GPM6A: variants seen among roughly 807,000 people sequenced by gnomAD.
GPM6A encodes the protein neuronal membrane glycoprotein M6-a.
In GPM6A, 7 loss-of-function variants were observed where a neutral mutation model predicts 32.1. The observed-to-expected ratio is 0.22, with a 90% confidence interval of 0.12 to 0.41. The LOEUF (loss-of-function observed/expected upper bound fraction) is 0.41, where lower values mean the gene tolerates loss of function less well. Ranked by LOEUF, GPM6A falls within the 10% of genes least tolerant of loss-of-function variation. The pLI is 1.00. For missense variants in GPM6A, 235 were observed against 347.2 expected (o/e 0.68, Z 2.57); for synonymous variants, 130 against 123.4 (o/e 1.05, Z -0.35).
chr4:175,748,374 T>A (rs1255312770), intron 1 of GPM6A, among the ~76,000 whole-genome samples: 1 of 152,204 alleles, frequency 6.6e-6, no homozygotes, highest in Non-Finnish European at 1.5e-5. Context: ...GTTTGAAAGT[T>A]GAAATTACTC....
At chr4:175,915,738 T>C (rs1273838167) in intron 1 of GPM6A, among the ~76,000 whole-genome samples, 2 of 152,190 alleles carry the variant, frequency 1.3e-5, no homozygotes, top group Non-Finnish European at 2.9e-5. Context: ...TCACTGGCAA[T>C]ACTCAGGGTA....
chr4:175,819,187 A>G (rs1735201517), intron 1 of GPM6A, among the ~76,000 whole-genome samples: 1 of 152,158 alleles, frequency 6.6e-6, no homozygotes, highest in South Asian at 2.1e-4. Context: ...GCCTCTGTTT[A>G]CTCAAAATCC....
intron 1 of GPM6A, among the ~76,000 whole-genome samples, chr4:175,858,416 C>T (rs529075509): frequency 1.8e-4 from 27 of 151,910 alleles, no homozygotes; most frequent in African/African-American, 5.6e-4. Context: ...CCTATAATCT[C>T]AGCTACTCGG....
intron 1 of GPM6A, among the ~76,000 whole-genome samples, chr4:175,905,053 G>C (rs1312961527): frequency 9.9e-5 from 15 of 151,992 alleles, no homozygotes. Context: ...AAAAAGCAAA[G>C]ACCCAAAAAA....
intron 1 of GPM6A, among the ~76,000 whole-genome samples, chr4:175,943,331 C>A (rs932199857): frequency 2.0e-5 from 3 of 152,076 alleles, no homozygotes; most frequent in Non-Finnish European, 1.5e-5. Context: ...TGCAAAGAGA[C>A]AATTTGACTT....
intron 1 of GPM6A, among the ~76,000 whole-genome samples, chr4:175,888,321 T>C (rs542889006): frequency 1.2e-3 from 177 of 152,164 alleles, no homozygotes; most frequent in African/African-American, 3.7e-3. Flanking sequence ...TCCTAATCTC[T>C]TAATGATTAT....
intron 1 of GPM6A, among the ~76,000 whole-genome samples, chr4:175,883,433 G>A (rs1274947594): frequency 6.6e-6 from 1 of 152,014 alleles, no homozygotes; most frequent in Non-Finnish European, 1.5e-5. Context: ...TAAGAAGATA[G>A]TAGTTCACAT....
At chr4:175,686,413 T>A (rs939349620) in intron 2 of GPM6A, among the ~76,000 whole-genome samples, 1 of 152,198 alleles carries the variant, frequency 6.6e-6, no homozygotes, top group African/African-American at 2.4e-5. Flanking sequence ...ATTGAAAATC[T>A]TGACAGGAGA....
rs569477056 is a variant in GPM6A, at chr4:175,833,181, C to T, written c.-22-20932G>A. ...GGCTCTTAACAAAAAGCAAAAATAT[C>T]ATCAGTAAGAAATTCTGGTGAAAAT... is the stretch of plus-strand genomic sequence containing the variant. On this transcript the variant is annotated intron_variant, in intron 1 of 7. Coordinates refer to the GPM6A transcript ENST00000280187. 8.5e-5 allele frequency among the ~76,000 whole-genome samples: 13 copies of T among 152,216 alleles called. No individual in the cohort carries two copies. The South Asian group carries it at 2.5e-3, about 29-fold the overall frequency.
At chr4:175,844,088 G>A (rs1342590451) in intron 1 of GPM6A, among the ~76,000 whole-genome samples, 1 of 152,086 alleles carries the variant, frequency 6.6e-6, no homozygotes, top group Non-Finnish European at 1.5e-5. Context: ...TCTGCTCCTT[G>A]GCTGTAAATC....
chr4:175,716,430 A>ATTGCGCCACTGCACTCCAGCTTG (rs1380078293), intron 1 of GPM6A, among the ~76,000 whole-genome samples: 2 of 152,094 alleles, frequency 1.3e-5, no homozygotes, highest in South Asian at 2.1e-4. Flanking sequence ...TTTGCTGGAG[A>ATTGCGCCACTGCACTCCAGCTTG]GGTAATTCAA....
intron 1 of GPM6A, among the ~76,000 whole-genome samples, chr4:175,823,978 T>C (rs1735354821): frequency 6.6e-6 from 1 of 152,158 alleles, no homozygotes; most frequent in African/African-American, 2.4e-5. Context: ...ATTTTACACA[T>C]TGTTCCTTTT....
Position 175,652,223 on chromosome 4 carries a change from A to T in GPM6A, c.388-236T>A, listed in dbSNP as rs1179502129. ...AGAAGTTCTGATGTACAAAGAAAAA[A>T]ATAATCCATCTGCATTATCATGCCT... On this transcript the variant is annotated intron_variant, in intron 3 of 6. Transcript: ENST00000393658. Among the ~76,000 whole-genome samples, 3 of 152,298 alleles carry T rather than the reference A, an allele frequency of 2.0e-5. No individual in the cohort carries two copies. The South Asian group carries it at 6.2e-4, about 32-fold the overall frequency.
At chr4:175,790,435 T>G (rs1042079217) in intron 1 of GPM6A, 1 of 152,148 alleles carries the variant, frequency 6.6e-6, no homozygotes, top group Non-Finnish European at 1.5e-5. Context: ...CACCATCAGT[T>G]TTTAAAATAC....
chr4:175,812,570 A>T, upstream of GPM6A: 10 of 1,039,494 alleles, frequency 9.6e-6, no homozygotes, highest in Non-Finnish European at 1.2e-5. Context: ...TCTGAATCCC[A>T]GGAGCAGAGA....
At chr4:175,787,399 C>G in intron 1 of GPM6A, 1 of 1,534,954 alleles carries the variant, frequency 6.5e-7, no homozygotes, top group Non-Finnish European at 8.7e-7. Flanking sequence ...CTCTATTTTC[C>G]CTTGATTCAA....
chr4:175,947,957 G>T lies in GPM6A; in HGVS notation c.-23+54352C>A, dbSNP rs148695733. ...TGCATTCATATATGAATAAAAAGAT[G>T]AATGAAGGAACAAAGCCCTACTTTT... On this transcript the variant is annotated intron_variant, in intron 1 of 7. Transcript: ENST00000280187. Among the ~76,000 whole-genome samples, 539 of 152,192 alleles carry T rather than the reference G, an allele frequency of 3.5e-3. 3 individuals carry two copies. Among genetic ancestry groups the T allele is most frequent in the African/African-American group, 0.013 (520 of 41,516 alleles).
intron 1 of GPM6A, among the ~76,000 whole-genome samples, chr4:175,792,878 A>G (rs546705815): frequency 2.0e-5 from 3 of 152,280 alleles, no homozygotes; most frequent in Middle Eastern, 3.4e-3. Flanking sequence ...ATAACAAGCA[A>G]TGATAAAGTT....
At chr4:175,811,390 G>A (rs1450151309) in intron 1 of GPM6A, among the ~76,000 whole-genome samples, 2 of 152,104 alleles carry the variant, frequency 1.3e-5, no homozygotes, top group East Asian at 1.9e-4. Context: ...CCTATCTGGG[G>A]TGAAAGCTAG....
Sources: gnomAD v4.1 joint callset for allele counts (sites outside exome capture counted in the v4.1 genomes callset) on GRCh38, gnomAD v4.1.1 for gene constraint, MANE v1.5 for transcripts, NCBI Gene and HGNC (gene_info 2026-07-23, HGNC 2026-07-21) for gene names.